PDK1: variants seen among roughly 807,000 people sequenced by gnomAD.
PDK1 encodes pyruvate dehydrogenase kinase 1, also known as [Pyruvate dehydrogenase (acetyl-transferring)] kinase isozyme 1, mitochondrial.
A neutral mutation model predicts 54.2 loss-of-function variants in PDK1; 39 were observed. That is an observed-to-expected ratio of 0.72 (90% confidence interval 0.56 to 0.94). The LOEUF is 0.94. Ranked by LOEUF, PDK1 falls within the 40% of genes least tolerant of loss-of-function variation. The pLI is 0.00. For synonymous variants in PDK1, 221 were observed against 207.1 expected, an observed-to-expected ratio of 1.07 and a Z score of -0.58; for missense variants, 552 against 566.0, an observed-to-expected ratio of 0.98 and a Z score of 0.25.
the PDK1 span, among the ~76,000 whole-genome samples, chr2:172,622,255 CATA>C: frequency 8.0e-6 from 1 of 124,936 alleles, no homozygotes; most frequent in Admixed American, 8.3e-5. Flanking sequence ...GTTTATATCT[CATA>C]TTATGTGAGA....
At chr2:172,649,971 T>C in the PDK1 span, among the ~76,000 whole-genome samples, 1 of 152,072 alleles carries the variant, frequency 6.6e-6, no homozygotes, top group Non-Finnish European at 1.5e-5. Context: ...ACATTCAAAT[T>C]TAGGACATAC....
chr2:172,596,010 A>C lies in PDK1; in HGVS notation c.*41A>C. On this transcript the variant is annotated 3_prime_UTR_variant, in exon 11 of 11. Transcript: ENST00000282077. ...CGGAAAATCCAAATGTGGCTTTTGT[A>C]TTAAATTTGGAAGGTATGGTGTTCA... The C allele has an allele frequency of 6.4e-7, 1 of 1,556,202 alleles. No individual in the cohort carries two copies. Among genetic ancestry groups the C allele is most frequent in the Non-Finnish European group, 8.8e-7 (1 of 1,142,836 alleles).
the PDK1 span, among the ~76,000 whole-genome samples, chr2:172,680,597 G>A: frequency 2.0e-5 from 3 of 151,980 alleles, no homozygotes; most frequent in African/African-American, 2.4e-5. Context: ...TGAACTCCAG[G>A]CTTCAAGCAC....
the PDK1 span, among the ~76,000 whole-genome samples, chr2:172,712,682 G>T: frequency 6.6e-6 from 1 of 152,218 alleles, no homozygotes; most frequent in Admixed American, 6.5e-5. Flanking sequence ...GAGCCCCAAA[G>T]AGGGTGTCAC....
intron 4 of PDK1, 86 bp downstream of exon 4, chr2:172,564,773 TAGGA>T: frequency 1.0e-6 from 1 of 992,124 alleles, no homozygotes; most frequent in South Asian, 1.6e-5. Flanking sequence ...TCCATTTAGG[TAGGA>T]AATTTAGTTT....
At chr2:172,640,190 C>G in the PDK1 span, among the ~76,000 whole-genome samples, 1 of 152,116 alleles carries the variant, frequency 6.6e-6, no homozygotes, top group Non-Finnish European at 1.5e-5. Flanking sequence ...TGATTTTCCC[C>G]TTGACAAGGG....
the PDK1 span, among the ~76,000 whole-genome samples, chr2:172,617,293 CG>C: frequency 2.1e-4 from 32 of 151,506 alleles, no homozygotes; most frequent in African/African-American, 7.3e-4. Context: ...AAAATTAAAT[CG>C]ATAAAATTAT....
At chr2:172,655,744 C>T in the PDK1 span, among the ~76,000 whole-genome samples, 1 of 152,188 alleles carries the variant, frequency 6.6e-6, no homozygotes, top group Non-Finnish European at 1.5e-5. Context: ...TACAGTGTGC[C>T]CTTTTAGCCT....
chr2:172,636,720 CAAA>C, the PDK1 span, among the ~76,000 whole-genome samples: 21 of 126,910 alleles, frequency 1.7e-4, no homozygotes, highest in Non-Finnish European at 1.5e-4. Context: ...GACTCCATCT[CAAA>C]AAAAAAAAAA....
chr2:172,687,979 C>T, the PDK1 span, among the ~76,000 whole-genome samples: 1 of 152,178 alleles, frequency 6.6e-6, no homozygotes, highest in Admixed American at 6.5e-5. Context: ...GAGCAAGGAC[C>T]TCCTACCCTG....
Position 172,598,353 on chromosome 2 carries a change from A to G in PDK1, c.*2384A>G, listed in dbSNP as rs1479709106. The G allele has an allele frequency of 6.6e-6, 1 of 152,190 alleles. No individual in the cohort carries two copies. The highest frequency in any genetic ancestry group is 1.9e-4 in the East Asian group (1 of 5,194). The allele number at this position is 152,190 out of a possible 1,614,324, so 9.4% of individuals were successfully genotyped here. On this transcript the variant is annotated 3_prime_UTR_variant, in exon 11 of 11. Coordinates refer to ENST00000282077, the MANE Select transcript of PDK1 (RefSeq NM_002610.5). ...TTCCTTTAGCTTATTTTTAAGGTAA[A>G]ACAGCTTTTTACTCTGTTATTGTGG...
At position 172,599,935 on chromosome 2, in the gene PDK1, A is replaced by T. The variant is rs1043122492; in HGVS notation, c.*3966A>T. 6.6e-6 allele frequency: 1 copy of T among 152,236 alleles called. No homozygotes were observed. The highest frequency in any genetic ancestry group is 6.5e-5 in the Admixed American group (1 of 15,280). The allele number at this position is 152,236 out of a possible 1,614,324, so 9.4% of individuals were successfully genotyped here. A position where few individuals can be genotyped will look rare whatever the true frequency, so the allele number is the denominator to read the frequency against. ...ATTAGCAATTATTTAGCAAAAATACAGAGTTTCACCCCAGTAAAATAAACT... is the reference window on the plus strand; with the variant it reads ...ATTAGCAATTATTTAGCAAAAATACTGAGTTTCACCCCAGTAAAATAAACT... On this transcript the variant is annotated 3_prime_UTR_variant, in exon 11 of 11. Coordinates refer to ENST00000282077, the MANE Select transcript of PDK1 (RefSeq NM_002610.5).
chr2:172,559,169 G>A (rs564531729), intron 2 of PDK1, among the ~76,000 whole-genome samples: 1 of 152,186 alleles, frequency 6.6e-6, no homozygotes, highest in East Asian at 1.9e-4. Context: ...GGATGATCTC[G>A]GTCTCCTGAA....
At chr2:172,690,031 A>T in the PDK1 span, among the ~76,000 whole-genome samples, 2 of 150,588 alleles carry the variant, frequency 1.3e-5, no homozygotes, top group East Asian at 4.2e-4. Flanking sequence ...GCTTCTGCAC[A>T]GCAAAAGAAA....
chr2:172,681,103 ACT>A, the PDK1 span, among the ~76,000 whole-genome samples: 3 of 152,144 alleles, frequency 2.0e-5, no homozygotes, highest in African/African-American at 4.8e-5. Context: ...GACTGTAATA[ACT>A]CTGAGAGTTT....
the PDK1 span, among the ~76,000 whole-genome samples, chr2:172,711,865 C>CAAAAAAAAAA: frequency 7.0e-3 from 159 of 22,778 alleles, 21 homozygotes; most frequent in East Asian, 0.12. Context: ...GAACCTAGCT[C>CAAAAAAAAAA]AAAAAAAAAA....
At chr2:172,719,849 T>C in the PDK1 span, among the ~76,000 whole-genome samples, 1 of 152,234 alleles carries the variant, frequency 6.6e-6, no homozygotes, top group African/African-American at 2.4e-5. Flanking sequence ...AGCATCTGAA[T>C]CATCTCTGAG....
At chr2:172,723,308 C>T in the PDK1 span, 1 of 152,190 alleles carries the variant, frequency 6.6e-6, no homozygotes, top group African/African-American at 2.4e-5. Context: ...TTCAGATACA[C>T]ACACCTAAGT....
In PDK1 at chr2:172,564,657, A is replaced by G. The variant is rs1688837373; in HGVS notation, c.565A>G (p.Ile189Val). ...YFLDRFYMSR[I>V]SIRMLLNQHS... ...TTTGGATCGATTCTACATGAGTCGC[A>G]TTTCAATTAGAATGTTACTCAATCA... Residue 189 changes from isoleucine to valine, a missense_variant, in exon 4 of 11, where the codon ATT (isoleucine) becomes GTT (valine). Physicochemically the swap from Ile to Val is conservative, Grantham distance 29. Transcript: ENST00000282077. 1 of 1,614,132 alleles carries G rather than the reference A, an allele frequency of 6.2e-7. No individual in the cohort carries two copies. Among genetic ancestry groups the G allele is most frequent in the East Asian group, 2.2e-5 (1 of 44,872 alleles).
Sources: allele counts gnomAD v4.1 joint callset (sites outside exome capture counted in the v4.1 genomes callset), GRCh38; gene constraint gnomAD v4.1.1; transcripts MANE v1.5; gene names NCBI Gene and HGNC (gene_info 2026-07-23, HGNC 2026-07-21).